Variants in CHD8 observed in about 807,000 individuals in gnomAD.
The protein encoded by CHD8 is ATP-dependent chromatin remodeler CHD8.
Under a neutral mutation model 279.2 loss-of-function variants are expected in CHD8, and 31 were observed. That is an observed-to-expected ratio of 0.11 (90% CI 0.08 to 0.15). The LOEUF is 0.15. Among genes scored for constraint, CHD8 ranks in the 10% least tolerant of loss-of-function variants. The pLI, the probability that CHD8 is intolerant of heterozygous loss-of-function variation, is 1.00. For missense variants in CHD8, 2,146 were observed against 3,230.5 expected, an observed-to-expected ratio of 0.66 and a Z score of 8.14; for synonymous variants, 1,081 against 1,139.6, an observed-to-expected ratio of 0.95 and a Z score of 1.04.
intron 4 of CHD8, chr14:21,427,274 T>C (rs527247677): frequency 7.2e-6 from 2 of 278,894 alleles, no homozygotes; most frequent in Non-Finnish European, 1.2e-5. Context: ...GAGTACTCAA[T>C]CTTGAGCTTG....
chr14:21,397,889 C>T lies in CHD8; in HGVS notation c.4985G>A (p.Arg1662Gln), dbSNP rs762576748. 1.4e-5 allele frequency: 22 copies of T among 1,612,472 alleles called. No individual in the cohort carries two copies. Among genetic ancestry groups the T allele is most frequent in the East Asian group, 2.2e-5 (1 of 44,848 alleles). Residue 1662 changes from arginine to glutamine, a missense_variant, in exon 27 of 38, where the codon CGA becomes CAA. By Grantham distance (43) the Arg-to-Gln change is conservative. Coordinates refer to ENST00000646647, the MANE Select transcript of CHD8 (RefSeq NM_001170629.2). ...TGCTGCAATTGCTTTGTCATCTGGTCGGCCAGCCTTTTCTAGGAAACATAA... is the reference window on the plus strand; with the variant it reads ...TGCTGCAATTGCTTTGTCATCTGGTTGGCCAGCCTTTTCTAGGAAACATAA... ...PALCFLEKAG[R>Q]PDDKAIAAEH...
intron 34 of CHD8, 83 bp from the exon 35 acceptor site, chr14:21,392,029 A>G: frequency 2.0e-6 from 2 of 984,390 alleles, no homozygotes; most frequent in Non-Finnish European, 3.3e-6. Context: ...GATGTGGGCT[A>G]TAGGTCATCC....
chr14:21,406,517 A>T (rs189601707), intron 14 of CHD8, among the ~76,000 whole-genome samples: 2 of 152,246 alleles, frequency 1.3e-5, no homozygotes, highest in African/African-American at 4.8e-5. Context: ...CAAGATCATC[A>T]TAAGAACCAA....
chr14:21,431,315 A>G lies in CHD8; in HGVS notation c.329T>C (p.Leu110Ser), dbSNP rs1305252446. The G allele has an allele frequency of 6.5e-7, 1 of 1,549,970 alleles. No homozygotes were observed. Among genetic ancestry groups the G allele is most frequent in the East Asian group, 2.4e-5 (1 of 41,806 alleles). The change falls in exon 2 of 38, where the codon TTA (leucine) becomes TCA (serine). Residue 110 changes from leucine (L) to serine (S), a missense_variant. By Grantham distance (145) the Leu-to-Ser change is moderately radical. Transcript: ENST00000646647. ...TCCTGATGTTGGCGTCGATGTCTGT[A>G]AGACAGGTTGGGCTGGCTGCTCCTG... The part of the protein sequence containing the change: ...ASQEQPAQPV[L>S]QTSTPTSGLL...
rs1209901731 is a variant in CHD8 at position 21,403,785 on chromosome 14, C to A, written c.3308-122G>T. ...TGACTTAAGACCAACATTTCTCACA[C>A]ACAGAATTTCAGCACAAAAAAGTCT... is the stretch of plus-strand genomic sequence containing the variant. On this transcript the variant is annotated intron_variant, in intron 16 of 37. Transcript: ENST00000646647. The surrounding 1 kb of genome is among the most constrained non-coding windows in gnomAD (Gnocchi z 4.3). The A allele has an allele frequency of 3.5e-6, 3 of 846,156 alleles. No homozygotes were observed. Among genetic ancestry groups the A allele is most frequent in the East Asian group, 2.7e-5 (1 of 37,598 alleles). 52.4% of individuals were successfully genotyped at this position (846,156 alleles called of 1,614,324 possible).
At chr14:21,438,512 T>TAAAAAAAAAAAA (rs559681631) in intron 1 of CHD8, among the ~76,000 whole-genome samples, 1 of 112,506 alleles carries the variant, frequency 8.9e-6, no homozygotes, top group African/African-American at 3.5e-5. Flanking sequence ...CCTAGTCTCT[T>TAAAAAAAAAAAA]AAAAAAAAAA....
chr14:21,442,248 C>T (rs962825997), intron 1 of CHD8, among the ~76,000 whole-genome samples: 10 of 152,166 alleles, frequency 6.6e-5, no homozygotes, highest in Non-Finnish European at 1.0e-4. Context: ...AGGCAGATTG[C>T]TTAAGCCCAA....
chr14:21,389,845 A>C (rs966760319), intron 37 of CHD8, among the ~76,000 whole-genome samples: 19 of 152,220 alleles, frequency 1.2e-4, no homozygotes, highest in Admixed American at 2.6e-4. Flanking sequence ...TCCATTACTG[A>C]CATATTATTA....
Position 21,405,581 on chromosome 14 carries a change from A to G in CHD8, c.3052-117T>C. ...ACTATCTAAGAAATGTATACTTTGGATGATGCCACAAATGATGTAGGCACA... is the reference window on the plus strand; with the variant it reads ...ACTATCTAAGAAATGTATACTTTGGGTGATGCCACAAATGATGTAGGCACA... On this transcript the variant is annotated intron_variant, in intron 15 of 37. Transcript: ENST00000646647. This position sits in a 1 kb window ranked among gnomAD's most constrained non-coding sequence, Gnocchi z 4.2. The G allele has an allele frequency of 2.0e-6, 3 of 1,470,064 alleles. No individual in the cohort carries two copies. The highest frequency in any genetic ancestry group is 1.4e-5 in the African/African-American group (1 of 71,026). The allele number at this position is 1,470,064 out of a possible 1,614,324, so 91.1% of individuals were successfully genotyped here.
chr14:21,432,709 C>G (rs947683393), intron 1 of CHD8, among the ~76,000 whole-genome samples: 2 of 152,178 alleles, frequency 1.3e-5, no homozygotes, highest in Admixed American at 1.3e-4. Context: ...AAAATCCTAC[C>G]AACCCTCAAA....
In CHD8 at chr14:21,392,800, G is replaced by T; in HGVS notation, c.6478C>A (p.Leu2160Met). ...CAGACGAGGTCAATACGGTTTATCA[G>T]GACACGATCCTGAATGGGGAAAGAA... ...RASEWPKDRV[L>M]INRIDLVCQA... is the part of the protein sequence containing the mutation. Residue 2160 changes from leucine to methionine, a missense_variant, in exon 34 of 38, where the codon CTG becomes ATG. Around this residue, in one of 26 missense-constraint regions of CHD8, gnomAD observed 513 missense variants for 637.6 expected, o/e 0.80. Transcript: ENST00000646647. 6.2e-7 allele frequency: 1 copy of T among 1,613,744 alleles called. No homozygotes were observed. Among genetic ancestry groups the T allele is most frequent in the South Asian group, 1.1e-5 (1 of 91,058 alleles).
At chr14:21,390,923 T>C in intron 37 of CHD8, 24 bp downstream of exon 37, 1 of 1,150,680 alleles carries the variant, frequency 8.7e-7, no homozygotes, top group Non-Finnish European at 1.3e-6. Context: ...GGGAATAGAG[T>C]GGTAATGCTG....
intron 14 of CHD8, among the ~76,000 whole-genome samples, chr14:21,406,514 A>C (rs1888259693): frequency 6.6e-6 from 1 of 152,238 alleles, no homozygotes; most frequent in South Asian, 2.1e-4. Context: ...AGGCAAGATC[A>C]TCATAAGAAC....
At chr14:21,391,090 A>G (rs1887515752) in intron 36 of CHD8, 27 bp from the exon 37 acceptor site, 1 of 1,364,760 alleles carries the variant, frequency 7.3e-7, no homozygotes, top group Non-Finnish European at 1.0e-6. Context: ...CAGTTATCCT[A>G]GAGGAATAGA....
At chr14:21,452,103 C>T (rs950028635) in intron 1 of CHD8, among the ~76,000 whole-genome samples, 2 of 152,116 alleles carry the variant, frequency 1.3e-5, no homozygotes, top group African/African-American at 4.8e-5. Flanking sequence ...TGCAGTGGCA[C>T]GATCTAGGCT....
intron 37 of CHD8, among the ~76,000 whole-genome samples, chr14:21,387,536 A>C (rs1217696785): frequency 6.6e-6 from 1 of 151,192 alleles, no homozygotes; most frequent in Non-Finnish European, 1.5e-5. Context: ...GGGGAGGCTG[A>C]GGCAGAAAAA....
In CHD8 at chr14:21,395,341, C is replaced by G; in HGVS notation, c.5139G>C (p.Leu1713Phe). 1 of 1,606,714 alleles carries G rather than the reference C, an allele frequency of 6.2e-7. No individual in the cohort carries two copies. Among genetic ancestry groups the G allele is most frequent in the Non-Finnish European group, 8.5e-7 (1 of 1,175,818 alleles). The change falls in exon 29 of 38, where the codon TTG becomes TTC. Residue 1713 changes from leucine to phenylalanine, a missense_variant. Coordinates refer to ENST00000646647, the MANE Select transcript of CHD8 (RefSeq NM_001170629.2). ...PKDQDDEGDP[L>F]MMMDEEISVI... ...CTGAGATCTCCTCATCCATCATCAT[C>G]AAGGGATCACCCTAGAGAAGGAGAT...
chr14:21,435,285 C>T (rs1889735378), intron 1 of CHD8, among the ~76,000 whole-genome samples: 1 of 152,208 alleles, frequency 6.6e-6, no homozygotes, highest in African/African-American at 2.4e-5. Context: ...GCCCATCTAT[C>T]TATAATCGCC....
At chr14:21,414,642 T>C (rs1198211357) in intron 8 of CHD8, 10 of 593,360 alleles carry the variant, frequency 1.7e-5, no homozygotes, top group Non-Finnish European at 3.0e-5. Context: ...GTAATGCTAA[T>C]TCTGCTGATC....
Sources: allele counts gnomAD v4.1 joint callset (sites outside exome capture counted in the v4.1 genomes callset), GRCh38; gene constraint gnomAD v4.1.1; regional missense constraint gnomAD v4.1.1; non-coding constraint Gnocchi (gnomAD v3.1); transcripts MANE v1.5; gene names NCBI Gene and HGNC (gene_info 2026-07-23, HGNC 2026-07-21).